Variants in PDZRN4 observed in about 807,000 individuals in gnomAD.
The protein encoded by PDZRN4 is PDZ domain-containing RING finger protein 4.
A neutral mutation model predicts 99.0 loss-of-function variants in PDZRN4; 70 were observed. The observed-to-expected ratio is 0.71, with a 90% CI of 0.58 to 0.86. PDZRN4 has a LOEUF of 0.86. Ranked by LOEUF, PDZRN4 falls within the 40% of genes least tolerant of loss-of-function variation. The pLI, the probability that PDZRN4 is intolerant of heterozygous loss-of-function variation, is 0.00. For synonymous variants in PDZRN4, 551 were observed against 501.6 expected (o/e 1.10, Z -1.32); for missense variants, 1,474 against 1,331.2 (o/e 1.11, Z -1.67).
At chr12:41,542,780 C>T (rs748694865) in intron 5 of PDZRN4, among the ~76,000 whole-genome samples, 7 of 152,018 alleles carry the variant, frequency 4.6e-5, no homozygotes, top group Non-Finnish European at 8.8e-5. Flanking sequence ...CTAAAATTCC[C>T]TCCCAAATAA....
At chr12:41,407,766 G>A (rs1952360470) in intron 3 of PDZRN4, among the ~76,000 whole-genome samples, 1 of 151,714 alleles carries the variant, frequency 6.6e-6, no homozygotes, top group African/African-American at 2.4e-5. Context: ...CTGTTAAGAA[G>A]TAAGGTTCAC....
intron 3 of PDZRN4, among the ~76,000 whole-genome samples, chr12:41,284,063 C>T (rs143672907): frequency 5.9e-5 from 9 of 152,268 alleles, no homozygotes; most frequent in South Asian, 2.1e-4. Context: ...GAGAGGAAAT[C>T]AAATTATCTC....
chr12:41,430,551 A>G (rs1240762429), intron 3 of PDZRN4, among the ~76,000 whole-genome samples: 1 of 152,006 alleles, frequency 6.6e-6, no homozygotes, highest in Non-Finnish European at 1.5e-5. Flanking sequence ...AAAGAAATAG[A>G]GGGGTGTGTG....
intron 3 of PDZRN4, among the ~76,000 whole-genome samples, chr12:41,302,601 A>G (rs1017430990): frequency 2.0e-5 from 3 of 152,188 alleles, no homozygotes; most frequent in African/African-American, 7.2e-5. Flanking sequence ...AATCAGATTC[A>G]TAATCCGGAA....
intron 3 of PDZRN4, among the ~76,000 whole-genome samples, chr12:41,368,604 A>T (rs1284805383): frequency 1.3e-5 from 2 of 152,190 alleles, no homozygotes; most frequent in East Asian, 3.9e-4. Context: ...CAGAAGCCCC[A>T]GTCTAGTCTT....
rs765431849 is a variant in PDZRN4, at chr12:41,188,805, G to C, written c.350G>C (p.Gly117Ala). The C allele has an allele frequency of 3.0e-6, 4 of 1,347,292 alleles. No homozygotes were observed. Among genetic ancestry groups the C allele is most frequent in the Non-Finnish European group, 3.8e-6 (4 of 1,056,234 alleles). 83.5% of individuals were successfully genotyped at this position (1,347,292 alleles called of 1,614,324 possible). Residue 117 changes from glycine to alanine, a missense_variant, in exon 1 of 10, where the codon GGC becomes GCC. By Grantham distance (60) the Gly-to-Ala change is moderately conservative. Coordinates refer to ENST00000402685, the MANE Select transcript of PDZRN4 (RefSeq NM_001164595.2). ...GCCCGCCGGCTCCGCAGCCGCGGGG[G>C]CTGCGCTTCGGGGCTGGGCGGTGGT... The part of the protein sequence containing the change: ...GPARRLRSRG[G>A]CASGLGGGEV...
At chr12:41,560,438 A>C (rs534670629) in intron 7 of PDZRN4, among the ~76,000 whole-genome samples, 1 of 152,306 alleles carries the variant, frequency 6.6e-6, no homozygotes, top group South Asian at 2.1e-4. Context: ...CCATATAAGT[A>C]CCACAGATCT....
intron 3 of PDZRN4, among the ~76,000 whole-genome samples, chr12:41,432,521 T>C (rs1206474911): frequency 6.6e-6 from 1 of 152,214 alleles, no homozygotes; most frequent in African/African-American, 2.4e-5. Context: ...ATTCAATATA[T>C]GTTTATTAAA....
At position 41,254,034 on chromosome 12, in the gene PDZRN4, CGTGT is replaced by C. The variant is rs3042934; in HGVS notation, c.843+59865_843+59868del. Among the ~76,000 whole-genome samples the C allele has an allele frequency of 8.8e-3, 1,313 of 148,902 alleles. 22 individuals are homozygous for C. The highest frequency in any genetic ancestry group is 0.029 in the African/African-American group (1,172 of 40,724). ...GGAAATATATATATATATGTGTGTG[CGTGT>C]GTGTGTGTGTGTGTGTGTTTGCGTG... On this transcript the variant is annotated intron_variant, in intron 3 of 9. Transcript: ENST00000402685.
At chr12:41,471,169 A>G (rs997422913) in intron 3 of PDZRN4, among the ~76,000 whole-genome samples, 13 of 152,242 alleles carry the variant, frequency 8.5e-5, no homozygotes, top group Non-Finnish European at 1.6e-4. Context: ...GCGCACCGCT[A>G]TGGCAGCCTC....
chr12:41,457,995 G>T (rs201115010), intron 3 of PDZRN4, among the ~76,000 whole-genome samples: 1 of 152,098 alleles, frequency 6.6e-6, no homozygotes, highest in East Asian at 1.9e-4. Flanking sequence ...AAAAGGGAGG[G>T]GGAATTGGAC....
At chr12:41,193,208 G>A (rs952664047) in intron 2 of PDZRN4, among the ~76,000 whole-genome samples, 1 of 152,108 alleles carries the variant, frequency 6.6e-6, no homozygotes, top group Non-Finnish European at 1.5e-5. Flanking sequence ...TTTCCCTAAG[G>A]AATATTTTTA....
chr12:41,391,140 C>T (rs1262946451), intron 3 of PDZRN4, among the ~76,000 whole-genome samples: 3 of 152,144 alleles, frequency 2.0e-5, no homozygotes, highest in Non-Finnish European at 2.9e-5. Flanking sequence ...TTATGTCACC[C>T]TCACTCTTGA....
At chr12:41,533,988 C>T (rs1438118687) in intron 5 of PDZRN4, among the ~76,000 whole-genome samples, 4 of 151,888 alleles carry the variant, frequency 2.6e-5, no homozygotes, top group Admixed American at 6.6e-5. Flanking sequence ...TCTTTTAGTG[C>T]TTATCTTAGA....
chr12:41,202,796 C>A (rs1950826097), intron 3 of PDZRN4, among the ~76,000 whole-genome samples: 1 of 151,872 alleles, frequency 6.6e-6, no homozygotes, highest in Admixed American at 6.6e-5. Flanking sequence ...ATTAGATGAG[C>A]AATTGACTAT....
In PDZRN4 at chr12:41,552,727, A is replaced by G. The variant is rs367951009; in HGVS notation, c.1275A>G (p.Glu425=). The G allele has an allele frequency of 2.5e-6, 4 of 1,613,584 alleles. No individual in the cohort carries two copies. Among genetic ancestry groups the G allele is most frequent in the Middle Eastern group, 1.7e-4 (1 of 6,060 alleles). ...CAGTCTGTTACCGAACAGATGATGAAGAAGACACCGGCATTTATGTCAGCG... is the reference window on the plus strand; with the variant it reads ...CAGTCTGTTACCGAACAGATGATGAGGAAGACACCGGCATTTATGTCAGCG... ...GLTVCYRTDD[E]EDTGIYVSEV... is the part of the protein sequence containing the mutation. The change falls in exon 6 of 10, where the codon GAA becomes GAG. Residue 425 remains glutamate (E), a synonymous_variant. Coordinates refer to ENST00000402685, the MANE Select transcript of PDZRN4 (RefSeq NM_001164595.2).
intron 3 of PDZRN4, among the ~76,000 whole-genome samples, chr12:41,252,346 C>G (rs894140414): frequency 5.3e-5 from 8 of 152,230 alleles, no homozygotes; most frequent in Admixed American, 2.0e-4. Flanking sequence ...CAATGAAGTA[C>G]TACTCAACAA....
chr12:41,475,876 AG>A (rs1953038412), intron 3 of PDZRN4, among the ~76,000 whole-genome samples: 1 of 152,070 alleles, frequency 6.6e-6, no homozygotes, highest in African/African-American at 2.4e-5. Context: ...GACCTCCGGG[AG>A]TAAATGTTGT....
chr12:41,378,004 T>G (rs1952094481), intron 3 of PDZRN4, among the ~76,000 whole-genome samples: 1 of 152,158 alleles, frequency 6.6e-6, no homozygotes, highest in African/African-American at 2.4e-5. Flanking sequence ...ATCGCTAGAA[T>G]TTCCAGTACT....
Sources: gnomAD v4.1 joint callset for allele counts (sites outside exome capture counted in the v4.1 genomes callset) on GRCh38, gnomAD v4.1.1 for gene constraint, MANE v1.5 for transcripts, NCBI Gene and HGNC (gene_info 2026-07-23, HGNC 2026-07-21) for gene names.